SARS1: variants seen among roughly 807,000 people sequenced by gnomAD.
SARS1 encodes the protein serine--tRNA ligase, cytoplasmic.
Under a neutral mutation model 63.7 loss-of-function variants are expected in SARS1, and 25 were observed. The ratio of observed to expected loss-of-function variants is 0.39; its 90% CI spans 0.29 to 0.55. SARS1 has a LOEUF of 0.55. Ranked by LOEUF, SARS1 falls within the 20% of genes least tolerant of loss-of-function variation. The pLI, the probability that SARS1 is intolerant of heterozygous loss-of-function variation, is 0.62. For synonymous variants in SARS1, 231 were observed against 243.5 expected, an observed-to-expected ratio of 0.95 and a Z score of 0.48; for missense variants, 417 against 649.7, an observed-to-expected ratio of 0.64 and a Z score of 3.89.
chr1:109,228,372 T>C lies in SARS1; in HGVS notation c.228T>C (p.Asp76=), dbSNP rs144496728. The C allele has an allele frequency of 6.2e-6, 10 of 1,613,376 alleles. No homozygotes were observed. In the East Asian group the frequency reaches 1.3e-4, roughly 22 times the overall value. The change falls in exon 3 of 11, where the codon GAT becomes GAC. Residue 76 remains aspartate, a synonymous_variant. Coordinates refer to ENST00000234677, the MANE Select transcript of SARS1 (RefSeq NM_006513.4). ...TGCAGAAAAAAGAGCCAGTGGGAGA[T>C]GATGAGTCTGTCCCAGAGAATGTGC... ...EKMKKKEPVG[D]DESVPENVLS...
Position 109,228,410 on chromosome 1 carries a change from A to C in SARS1, c.266A>C (p.Asp89Ala), listed in dbSNP as rs756674361. ...SVPENVLSFDDLTADALANLK... is the reference protein window; with the variant it reads ...SVPENVLSFDALTADALANLK... Reference sequence around the variant, plus strand: ...CCAGAGAATGTGCTGAGTTTCGATGACCTTACTGCAGACGCTTTAGCTGTA... The same window carrying C: ...CCAGAGAATGTGCTGAGTTTCGATGCCCTTACTGCAGACGCTTTAGCTGTA... Residue 89 changes from aspartate to alanine, a missense_variant, in exon 3 of 11, where the codon GAC becomes GCC. Coordinates refer to ENST00000234677, the MANE Select transcript of SARS1 (RefSeq NM_006513.4). 3 of 1,612,710 alleles carry C rather than the reference A, an allele frequency of 1.9e-6. No individual in the cohort carries two copies. Among genetic ancestry groups the C allele is most frequent in the Non-Finnish European group, 2.5e-6 (3 of 1,178,780 alleles).
Position 109,220,008 on chromosome 1 carries a change from G to GGGC in SARS1, c.137-3970_137-3969insGGC, listed in dbSNP as rs1654894608. Among the ~76,000 whole-genome samples, 5 of 152,182 alleles carry GGGC rather than the reference G, an allele frequency of 3.3e-5. No homozygotes were observed. The East Asian group carries it at 7.7e-4, about 23-fold the overall frequency. ...AGGGCATTATGAATAAGCTTCTAGA[G>GGGC]ACTCTTTTTTAAAAAATGTTTGATT... is the stretch of plus-strand genomic sequence containing the variant. On this transcript the variant is annotated intron_variant, in intron 1 of 10. Transcript: ENST00000234677.
At position 109,237,658 on chromosome 1, in the gene SARS1, A is replaced by T. The variant is rs1350829215; in HGVS notation, c.1388-73A>T. The T allele has an allele frequency of 6.6e-6, 10 of 1,526,384 alleles. No individual in the cohort carries two copies. The allele number at this position is 1,526,384 out of a possible 1,614,324, so 94.6% of individuals were successfully genotyped here. ...TTCAAAGGGATCATTGTCTTGTTGA[A>T]TTCTCCCCAGAGGTCTTAGGGCTTT... On this transcript the variant is annotated intron_variant, in intron 10 of 10. Coordinates refer to ENST00000234677, the MANE Select transcript of SARS1 (RefSeq NM_006513.4). This position sits in a 1 kb window ranked among gnomAD's most constrained non-coding sequence, Gnocchi z 4.1.
At chr1:109,233,277 T>A (rs1341267633) in intron 6 of SARS1, among the ~76,000 whole-genome samples, 1 of 152,132 alleles carries the variant, frequency 6.6e-6, no homozygotes, top group Non-Finnish European at 1.5e-5. Flanking sequence ...TTCCAAACTG[T>A]TGGGATTACA....
At chr1:109,216,668 T>G in intron 1 of SARS1, 1 of 839,688 alleles carries the variant, frequency 1.2e-6, no homozygotes, top group Non-Finnish European at 1.4e-6. Flanking sequence ...AAGGTCTCAC[T>G]GTGTCACCCA....
At chr1:109,220,850 A>G (rs947913000) in intron 1 of SARS1, among the ~76,000 whole-genome samples, 19 of 152,040 alleles carry the variant, frequency 1.2e-4, no homozygotes, top group Non-Finnish European at 2.4e-4. Flanking sequence ...GTTTTTTTGT[A>G]GACATTTTAT....
intron 1 of SARS1, chr1:109,215,195 G>C: frequency 1.0e-6 from 1 of 985,432 alleles, no homozygotes; most frequent in Non-Finnish European, 1.2e-6. Flanking sequence ...TATTGTAGTA[G>C]TTTGTTTGAT....
rs745976430 is a variant in SARS1 at position 109,236,138 on chromosome 1, T to G, written c.1099+32T>G. On this transcript the variant is annotated intron_variant, in intron 8 of 10. Transcript: ENST00000234677. Reference sequence around the variant, plus strand: ...GACCCAGCCTCTTCTCAGCCTCCCTTTCCTGTAATCCCAGACGCCACCCTT... The same window carrying G: ...GACCCAGCCTCTTCTCAGCCTCCCTGTCCTGTAATCCCAGACGCCACCCTT... 10 of 1,598,946 alleles carry G rather than the reference T, an allele frequency of 6.3e-6. No homozygotes were observed. In the South Asian group the frequency reaches 9.0e-5, roughly 14 times the overall value.
rs1464865498 is a variant in SARS1 at position 109,237,669 on chromosome 1, A to G, written c.1388-62A>G. ...CATTGTCTTGTTGAATTCTCCCCAG[A>G]GGTCTTAGGGCTTTGACTCACTGAG... is the stretch of plus-strand genomic sequence containing the variant. On this transcript the variant is annotated intron_variant, in intron 10 of 10. Coordinates refer to ENST00000234677, the MANE Select transcript of SARS1 (RefSeq NM_006513.4). This position sits in a 1 kb window ranked among gnomAD's most constrained non-coding sequence, Gnocchi z 4.1. The G allele has an allele frequency of 2.6e-6, 4 of 1,563,922 alleles. No homozygotes were observed. The African/African-American group carries it at 4.1e-5, about 16-fold the overall frequency.
At chr1:109,226,144 ATTTTT>A (rs771525135) in intron 2 of SARS1, among the ~76,000 whole-genome samples, 2 of 126,452 alleles carry the variant, frequency 1.6e-5, no homozygotes, top group Admixed American at 8.1e-5. Flanking sequence ...CACTCGGCTA[ATTTTT>A]TTTTTTTTTT....
chr1:109,214,175 T>A lies in SARS1; in HGVS notation c.136+47T>A, dbSNP rs1364187433. The A allele has an allele frequency of 1.7e-5, 27 of 1,594,218 alleles. No individual in the cohort carries two copies. The highest frequency in any genetic ancestry group is 2.2e-5 in the Non-Finnish European group (26 of 1,169,438). On this transcript the variant is annotated intron_variant, in intron 1 of 10. Coordinates refer to ENST00000234677, the MANE Select transcript of SARS1 (RefSeq NM_006513.4). This position sits in a 1 kb window ranked among gnomAD's most constrained non-coding sequence, Gnocchi z 4.6. ...TTACCTCCTTGATGCTAAACCCAAT[T>A]TTCTCTCTCAAATCCAGCCACCGCT... is the stretch of plus-strand genomic sequence containing the variant.
intron 3 of SARS1, among the ~76,000 whole-genome samples, chr1:109,229,117 TA>T (rs1413238724): frequency 6.6e-6 from 1 of 152,214 alleles, no homozygotes; most frequent in Admixed American, 6.5e-5. Flanking sequence ...AAAGTTCTCA[TA>T]AGAGAGCGGC....
chr1:109,226,419 A>G (rs931669190), intron 2 of SARS1, among the ~76,000 whole-genome samples: 4 of 148,706 alleles, frequency 2.7e-5, no homozygotes, highest in Non-Finnish European at 5.9e-5. Context: ...TGGCGTGATC[A>G]TAGCTCACTG....
intron 1 of SARS1, chr1:109,215,796 C>G (rs926045098): frequency 2.4e-6 from 1 of 423,866 alleles, no homozygotes; most frequent in South Asian, 1.0e-4. Flanking sequence ...ACCTCCATCT[C>G]CCGGTTTCAA....
At chr1:109,236,644 A>C in intron 9 of SARS1, 96 bp downstream of exon 9, 1 of 1,517,340 alleles carries the variant, frequency 6.6e-7, no homozygotes, top group Middle Eastern at 1.9e-4. Flanking sequence ...CCCCAGCATC[A>C]TGGGAAAATC....
rs149758198 is a variant in SARS1, at chr1:109,237,991, C to T, written c.*103C>T. The T allele has an allele frequency of 2.3e-6, 3 of 1,302,004 alleles. No individual in the cohort carries two copies. The highest frequency in any genetic ancestry group is 3.2e-6 in the Non-Finnish European group (3 of 933,364). 80.7% of individuals were successfully genotyped at this position (1,302,004 alleles called of 1,614,324 possible). On this transcript the variant is annotated 3_prime_UTR_variant, in exon 11 of 11. Transcript: ENST00000234677. The surrounding 1 kb of genome is among the most constrained non-coding windows in gnomAD (Gnocchi z 4.1). Reference sequence around the variant, plus strand: ...CAAGCACCCATTCATCCCCCTGCCCCCATCTGACTGCGTAGCTGAGAGGGG... The same window carrying T: ...CAAGCACCCATTCATCCCCCTGCCCTCATCTGACTGCGTAGCTGAGAGGGG...
In SARS1 at chr1:109,237,636, A is replaced by T; in HGVS notation, c.1388-95A>T. On this transcript the variant is annotated intron_variant, in intron 10 of 10. Transcript: ENST00000234677. The surrounding 1 kb of genome is among the most constrained non-coding windows in gnomAD (Gnocchi z 4.1). ...GCCTATCAAAGGGACCCCTCTGTTC[A>T]AAGGGATCATTGTCTTGTTGAATTC... The T allele has an allele frequency of 7.1e-7, 1 of 1,410,802 alleles. No homozygotes were observed. The highest frequency in any genetic ancestry group is 9.8e-7 in the Non-Finnish European group (1 of 1,021,702). 87.4% of individuals were successfully genotyped at this position (1,410,802 alleles called of 1,614,324 possible).
chr1:109,236,900 C>G lies in SARS1; in HGVS notation c.1258-344C>G, dbSNP rs769498039. Reference sequence around the variant, plus strand: ...GGGTTGTAAGCTGCTCTCTTCAAACCCAATTTTCAGGCCCTACTCTTTTCC... The same window carrying G: ...GGGTTGTAAGCTGCTCTCTTCAAACGCAATTTTCAGGCCCTACTCTTTTCC... On this transcript the variant is annotated intron_variant, in intron 9 of 10. Coordinates refer to ENST00000234677, the MANE Select transcript of SARS1 (RefSeq NM_006513.4). The G allele has an allele frequency of 1.9e-6, 3 of 1,573,460 alleles. No homozygotes were observed. The South Asian group carries it at 3.5e-5, about 19-fold the overall frequency.
intron 1 of SARS1, among the ~76,000 whole-genome samples, chr1:109,219,068 C>T (rs1251981322): frequency 6.6e-6 from 1 of 151,202 alleles, no homozygotes. Context: ...AGATCGAGAC[C>T]ATCCTGGCTA....
Sources: allele counts gnomAD v4.1 joint callset (sites outside exome capture counted in the v4.1 genomes callset), GRCh38; gene constraint gnomAD v4.1.1; non-coding constraint Gnocchi (gnomAD v3.1); transcripts MANE v1.5; gene names NCBI Gene and HGNC (gene_info 2026-07-23, HGNC 2026-07-21).